The following CA10 variants were observed in gnomAD, a reference collection of about 807,000 sequenced individuals.
The protein encoded by CA10 is carbonic anhydrase-related protein 10.
In CA10, 14 loss-of-function variants were observed where a neutral mutation model predicts 44.2. That is an observed-to-expected ratio of 0.32 (90% CI 0.21 to 0.50). The LOEUF (loss-of-function observed/expected upper bound fraction) is 0.50, where lower values mean the gene tolerates loss of function less well. Ranked by LOEUF, CA10 falls within the 20% of genes least tolerant of loss-of-function variation. The pLI is 0.99. For synonymous variants in CA10, 159 were observed against 141.6 expected, an observed-to-expected ratio of 1.12 and a Z score of -0.87; for missense variants, 350 against 409.7, an observed-to-expected ratio of 0.85 and a Z score of 1.26.
At chr17:51,679,262 C>CT (rs1215801677) in intron 4 of CA10, among the ~76,000 whole-genome samples, 2 of 123,078 alleles carry the variant, frequency 1.6e-5, no homozygotes, top group African/African-American at 6.3e-5. Flanking sequence ...GTTTTTCTTT[C>CT]TCTTTTTTTT....
chr17:51,748,554 A>ACTTC, intron 3 of CA10: 20 of 902,516 alleles, frequency 2.2e-5, no homozygotes, highest in Middle Eastern at 5.6e-4. Flanking sequence ...TGACCTCAAC[A>ACTTC]ACAATTGATT....
chr17:51,756,838 A>C (rs1026389549), intron 3 of CA10, among the ~76,000 whole-genome samples: 2 of 152,052 alleles, frequency 1.3e-5, no homozygotes, highest in Non-Finnish European at 2.9e-5. Context: ...TTAAAATATG[A>C]TGTCTGCATG....
intron 3 of CA10, among the ~76,000 whole-genome samples, chr17:51,748,263 G>T (rs1904776167): frequency 6.6e-6 from 1 of 152,122 alleles, no homozygotes; most frequent in African/African-American, 2.4e-5. Context: ...AGAAGCAGAC[G>T]CTCATGGGAG....
intron 2 of CA10, among the ~76,000 whole-genome samples, chr17:51,970,049 G>A (rs1452170120): frequency 6.6e-6 from 1 of 151,912 alleles, no homozygotes; most frequent in Admixed American, 6.6e-5. Context: ...GTGGAAAGGG[G>A]AAAGATGGAA....
chr17:51,860,157 T>A (rs2143839336), intron 3 of CA10, among the ~76,000 whole-genome samples: 1 of 152,252 alleles, frequency 6.6e-6, no homozygotes, highest in Admixed American at 6.5e-5. Context: ...GGAAACCCTT[T>A]CTCCCCTAGT....
chr17:51,886,566 A>G (rs564740604), intron 3 of CA10, among the ~76,000 whole-genome samples: 1 of 152,334 alleles, frequency 6.6e-6, no homozygotes, highest in South Asian at 2.1e-4. Flanking sequence ...ATCCATGTAT[A>G]TGATTTATCA....
At chr17:51,716,479 A>G (rs9912223) in intron 4 of CA10, among the ~76,000 whole-genome samples, 63,904 of 127,178 alleles carry the variant, frequency 0.5, 13,506 homozygotes, top group Middle Eastern at 0.58. Context: ...AGAAAAAAAG[A>G]AGAGAAAAAA....
At chr17:51,920,991 C>G (rs934744691) in intron 3 of CA10, among the ~76,000 whole-genome samples, 1 of 152,090 alleles carries the variant, frequency 6.6e-6, no homozygotes, top group African/African-American at 2.4e-5. Context: ...AAGGAGAGAG[C>G]CTGTATCCAA....
intron 2 of CA10, among the ~76,000 whole-genome samples, chr17:52,013,593 A>G (rs1167321766): frequency 1.3e-5 from 2 of 151,990 alleles, no homozygotes; most frequent in Non-Finnish European, 2.9e-5. Flanking sequence ...GATATGGAAC[A>G]TAGAAAGAAA....
intron 1 of CA10, among the ~76,000 whole-genome samples, chr17:52,149,961 T>C (rs996283614): frequency 2.6e-5 from 4 of 152,154 alleles, no homozygotes; most frequent in African/African-American, 9.7e-5. Flanking sequence ...AAATGGGTGA[T>C]TTTTACTGAC....
intron 4 of CA10, among the ~76,000 whole-genome samples, chr17:51,683,945 G>A (rs976325095): frequency 2.6e-5 from 4 of 152,134 alleles, no homozygotes; most frequent in South Asian, 2.1e-4. Flanking sequence ...CCCACCCTGC[G>A]GCAGGCTGAA....
At chr17:51,971,147 C>A (rs1364776695) in intron 2 of CA10, among the ~76,000 whole-genome samples, 1 of 151,928 alleles carries the variant, frequency 6.6e-6, no homozygotes, top group African/African-American at 2.4e-5. Flanking sequence ...AATTTCAGAC[C>A]AACATTTTTG....
At chr17:52,079,152 G>T (rs911990895) in intron 1 of CA10, among the ~76,000 whole-genome samples, 1 of 152,164 alleles carries the variant, frequency 6.6e-6, no homozygotes, top group African/African-American at 2.4e-5. Flanking sequence ...CGGGCGCTGT[G>T]GCGGGCACCT....
At chr17:51,901,534 A>G (rs1412729198) in intron 3 of CA10, among the ~76,000 whole-genome samples, 1 of 152,158 alleles carries the variant, frequency 6.6e-6, no homozygotes, top group Non-Finnish European at 1.5e-5. Context: ...TGTTGGCTAA[A>G]GAAAGGTACC....
intron 1 of CA10, among the ~76,000 whole-genome samples, chr17:52,115,749 G>C (rs774746724): frequency 1.3e-5 from 2 of 152,190 alleles, no homozygotes; most frequent in Non-Finnish European, 2.9e-5. Context: ...CATGCACCGG[G>C]AGTCTTCCCC....
At chr17:52,125,597 C>T (rs1989102102) in intron 1 of CA10, among the ~76,000 whole-genome samples, 1 of 152,148 alleles carries the variant, frequency 6.6e-6, no homozygotes, top group African/African-American at 2.4e-5. Context: ...TGCCAAGCTG[C>T]ACTTGTCCAA....
chr17:52,126,710 CAT>C (rs914617372), intron 1 of CA10, among the ~76,000 whole-genome samples: 6 of 152,106 alleles, frequency 3.9e-5, no homozygotes, highest in African/African-American at 1.4e-4. Context: ...TTATTTGGGG[CAT>C]ATGTGAATTC....
chr17:51,879,734 T>C (rs962679496), intron 3 of CA10, among the ~76,000 whole-genome samples: 2 of 152,176 alleles, frequency 1.3e-5, no homozygotes, highest in African/African-American at 4.8e-5. Context: ...CTGGAGAAAC[T>C]GTGAGCATGA....
intron 1 of CA10, among the ~76,000 whole-genome samples, chr17:52,093,128 G>A (rs759547883): frequency 7.9e-5 from 12 of 152,074 alleles, no homozygotes; most frequent in Non-Finnish European, 1.6e-4. Flanking sequence ...GTTCATATAT[G>A]TATATATGTG....
Sources: gnomAD v4.1 joint callset for allele counts (sites outside exome capture counted in the v4.1 genomes callset) on GRCh38, gnomAD v4.1.1 for gene constraint, MANE v1.5 for transcripts, NCBI Gene and HGNC (gene_info 2026-07-23, HGNC 2026-07-21) for gene names.